HERC2: variants seen among roughly 807,000 people sequenced by gnomAD.
HERC2 encodes the protein HECT and RLD domain containing E3 ubiquitin protein ligase 2.
Under a neutral mutation model 537.7 loss-of-function variants are expected in HERC2, and 102 were observed. The observed-to-expected ratio is 0.19, with a 90% CI of 0.16 to 0.22. HERC2 has a LOEUF of 0.22. HERC2 is among the 10% of genes least tolerant of loss of function. The pLI is 1.00. For synonymous variants in HERC2, 2,224 were observed against 2,466.2 expected, an observed-to-expected ratio of 0.90 and a Z score of 2.91; for missense variants, 4,236 against 6,198.2, an observed-to-expected ratio of 0.68 and a Z score of 10.63.
chr15:28,128,505 A>G (rs2142136430), intron 83 of HERC2, among the ~76,000 whole-genome samples: 1 of 152,340 alleles, frequency 6.6e-6, no homozygotes, highest in Middle Eastern at 3.4e-3. Context: ...CAAGAACTAC[A>G]ATGTCCTTCC....
intron 83 of HERC2, among the ~76,000 whole-genome samples, chr15:28,126,924 C>T (rs999386268): frequency 6.6e-6 from 1 of 152,150 alleles, no homozygotes; most frequent in African/African-American, 2.4e-5. Flanking sequence ...ATATCCTAAA[C>T]ATAAGATTCA....
intron 23 of HERC2, among the ~76,000 whole-genome samples, chr15:28,244,450 C>T (rs1325318424): frequency 6.6e-6 from 1 of 152,106 alleles, no homozygotes; most frequent in Non-Finnish European, 1.5e-5. Context: ...ACCACACAGC[C>T]TGGGGAAGGG....
At chr15:28,165,839 A>G (rs546481488) in intron 68 of HERC2, among the ~76,000 whole-genome samples, 8 of 152,232 alleles carry the variant, frequency 5.3e-5, no homozygotes, top group African/African-American at 1.9e-4. Context: ...TGTACCTATT[A>G]TGTTACACAC....
intron 56 of HERC2, among the ~76,000 whole-genome samples, chr15:28,186,300 T>C (rs1394960465): frequency 6.6e-6 from 1 of 152,182 alleles, no homozygotes; most frequent in Non-Finnish European, 1.5e-5. Context: ...ACTACAAAGA[T>C]ATATACCAAA....
At chr15:28,301,658 A>G (rs2076626972) in intron 2 of HERC2, among the ~76,000 whole-genome samples, 1 of 145,080 alleles carries the variant, frequency 6.9e-6, no homozygotes, top group African/African-American at 2.5e-5. Context: ...GCCATTTTTA[A>G]TTAAAAGAGA....
chr15:28,201,964 C>G (rs1459496059), intron 47 of HERC2, 149 bp downstream of exon 47: 2 of 857,956 alleles, frequency 2.3e-6, no homozygotes, highest in Non-Finnish European at 3.8e-6. Flanking sequence ...TTGTTCTGTG[C>G]CCGGCAATAC....
At chr15:28,195,576 A>C (rs77725074) in intron 52 of HERC2, among the ~76,000 whole-genome samples, 1 of 152,182 alleles carries the variant, frequency 6.6e-6, no homozygotes, top group African/African-American at 2.4e-5. Flanking sequence ...CGCTAAACAC[A>C]AAAGGATAAA....
chr15:28,241,975 A>G (rs1903174641), intron 23 of HERC2, among the ~76,000 whole-genome samples: 1 of 152,264 alleles, frequency 6.6e-6, no homozygotes, highest in South Asian at 2.1e-4. Context: ...ATATAACAGA[A>G]TATGATTTCA....
chr15:28,240,756 T>C (rs1332137487), intron 23 of HERC2, among the ~76,000 whole-genome samples: 2 of 152,218 alleles, frequency 1.3e-5, no homozygotes, highest in African/African-American at 2.4e-5. Context: ...TATTTGGTCA[T>C]ACGATTTTTG....
intron 19 of HERC2, among the ~76,000 whole-genome samples, chr15:28,255,069 C>T (rs1380440927): frequency 6.6e-6 from 1 of 152,174 alleles, no homozygotes; most frequent in African/African-American, 2.4e-5. Flanking sequence ...GGCGTGGTCG[C>T]TCATGCTTGT....
chr15:28,256,858 G>T (rs1222886927), intron 17 of HERC2, among the ~76,000 whole-genome samples: 2 of 152,190 alleles, frequency 1.3e-5, no homozygotes, highest in Non-Finnish European at 2.9e-5. Flanking sequence ...CCTCCCAAAA[G>T]TGCTGGGATT....
At chr15:28,269,819 T>G (rs1004362128) in intron 10 of HERC2, among the ~76,000 whole-genome samples, 5 of 152,214 alleles carry the variant, frequency 3.3e-5, no homozygotes, top group Non-Finnish European at 4.4e-5. Flanking sequence ...GTGAGAGAAA[T>G]CAACTTGTAC....
At chr15:28,267,202 G>A (rs2075592223) in intron 12 of HERC2, among the ~76,000 whole-genome samples, 1 of 152,126 alleles carries the variant, frequency 6.6e-6, no homozygotes, top group Non-Finnish European at 1.5e-5. Context: ...CAGTGGCACA[G>A]GTGCTCACAG....
At chr15:28,258,081 A>C (rs2075315074) in intron 16 of HERC2, among the ~76,000 whole-genome samples, 2 of 152,378 alleles carry the variant, frequency 1.3e-5, no homozygotes, top group South Asian at 2.1e-4. Context: ...AAATGAAATC[A>C]TATACAGTTT....
intron 2 of HERC2, among the ~76,000 whole-genome samples, chr15:28,308,179 C>G (rs1451056939): frequency 6.6e-6 from 1 of 152,108 alleles, no homozygotes; most frequent in East Asian, 1.9e-4. Flanking sequence ...TTCTTCCAAT[C>G]CATGAAGATG....
chr15:28,183,413 A>G (rs974595801), intron 56 of HERC2, among the ~76,000 whole-genome samples: 3 of 151,976 alleles, frequency 2.0e-5, no homozygotes, highest in Non-Finnish European at 4.4e-5. Flanking sequence ...GGGTCTCACT[A>G]TATCGTCAAG....
At position 28,265,793 on chromosome 15, in the gene HERC2, C is replaced by A. The variant is rs541620298; in HGVS notation, c.1756+24G>T. 6.2e-6 allele frequency: 10 copies of A among 1,613,968 alleles called. No homozygotes were observed. The highest frequency in any genetic ancestry group is 5.3e-5 in the African/African-American group (4 of 75,056). On this transcript the variant is annotated intron_variant, in intron 13 of 92. Transcript: ENST00000261609. This position sits in a 1 kb window ranked among gnomAD's most constrained non-coding sequence, Gnocchi z 4.0. ...AAGAGGCCACCTCCTGCTGCATGCT[C>A]CCACTCATGCAGAGCAGACGTACCA...
chr15:28,168,523 A>G lies in HERC2; in HGVS notation c.10297T>C (p.Ser3433Pro), dbSNP rs1373187261. ...GCAGATGCGTCGGAAGGGGCCGCCGAGGAGAACGAGGGGCACTCCACCGGG... is the reference window on the plus strand; with the variant it reads ...GCAGATGCGTCGGAAGGGGCCGCCGGGGAGAACGAGGGGCACTCCACCGGG... ...IAPVECPSFS[S>P]AAPSDASAMA... is the part of the protein sequence containing the mutation. The change falls in exon 67 of 93, where the codon TCG becomes CCG. Residue 3433 changes from serine (S) to proline (P), a missense_variant. Physicochemically the swap from Ser to Pro is moderately conservative, Grantham distance 74 (BLOSUM62 -1). This residue lies in a region of HERC2 where 356 missense variants were observed against 450.9 expected (regional missense o/e 0.79). Transcript: ENST00000261609. 1 of 1,614,194 alleles carries G rather than the reference A, an allele frequency of 6.2e-7. No homozygotes were observed. Among genetic ancestry groups the G allele is most frequent in the Middle Eastern group, 1.6e-4 (1 of 6,062 alleles).
chr15:28,202,051 G>A (rs905121017), intron 47 of HERC2, 62 bp downstream of exon 47: 5 of 923,316 alleles, frequency 5.4e-6, no homozygotes, highest in African/African-American at 1.6e-5. Context: ...CAAGGTGTAA[G>A]ACTGTTAGAG....
Sources: allele counts gnomAD v4.1 joint callset (sites outside exome capture counted in the v4.1 genomes callset), GRCh38; gene constraint gnomAD v4.1.1; regional missense constraint gnomAD v4.1.1; non-coding constraint Gnocchi (gnomAD v3.1); transcripts MANE v1.5; gene names NCBI Gene and HGNC (gene_info 2026-07-23, HGNC 2026-07-21).